Variants in ZFHX3 observed in about 807,000 individuals in gnomAD.
The protein encoded by ZFHX3 is zinc finger homeobox 3.
In ZFHX3, 42 loss-of-function variants were observed where a neutral mutation model predicts 279.1. That is an observed-to-expected ratio of 0.15 (90% CI 0.12 to 0.19). The LOEUF (loss-of-function observed/expected upper bound fraction) is 0.19. Among genes scored for constraint, ZFHX3 ranks in the 10% least tolerant of loss-of-function variants. The pLI, the probability that ZFHX3 is intolerant of heterozygous loss-of-function variation, is 1.00. For missense variants in ZFHX3, 4,981 were observed against 4,754.0 expected (o/e 1.05, Z -1.40); for synonymous variants, 2,293 against 1,957.8 (o/e 1.17, Z -4.52).
intron 7 of ZFHX3, among the ~76,000 whole-genome samples, chr16:73,099,497 G>A (rs752482238): frequency 6.6e-5 from 10 of 151,980 alleles, no homozygotes; most frequent in Non-Finnish European, 1.2e-4. Context: ...GATTACCTGT[G>A]GTCAGGAGTT....
At chr16:73,137,901 G>C (rs115465208) in intron 6 of ZFHX3, among the ~76,000 whole-genome samples, 2,866 of 152,180 alleles carry the variant, frequency 0.019, 76 homozygotes, top group African/African-American at 0.064. Context: ...GGGGTATTGG[G>C]GGGTGGGGGA....
chr16:73,859,976 A>T (rs1256791109), intron 1 of ZFHX3, among the ~76,000 whole-genome samples: 2 of 152,188 alleles, frequency 1.3e-5, no homozygotes, highest in Admixed American at 1.3e-4. Context: ...CTAATTTAAA[A>T]AATAAAATGC....
chr16:73,009,501 G>A (rs1015067091), intron 1 of ZFHX3, among the ~76,000 whole-genome samples: 1 of 152,006 alleles, frequency 6.6e-6, no homozygotes, highest in African/African-American at 2.4e-5. Flanking sequence ...CCATATGGAT[G>A]AAAAATGAGT....
intron 1 of ZFHX3, among the ~76,000 whole-genome samples, chr16:73,814,973 A>AT (rs1490932803): frequency 6.6e-6 from 1 of 152,134 alleles, no homozygotes; most frequent in African/African-American, 2.4e-5. Context: ...CTCTCAAGAG[A>AT]TTTTTTTAAT....
intron 2 of ZFHX3, among the ~76,000 whole-genome samples, 193 bp downstream of exon 2, chr16:72,957,234 T>C (rs1034458165): frequency 3.3e-5 from 5 of 152,212 alleles, no homozygotes; most frequent in Non-Finnish European, 5.9e-5. Flanking sequence ...TTTGAATGCA[T>C]AAACTCTTCC....
intron 5 of ZFHX3, among the ~76,000 whole-genome samples, chr16:72,826,388 A>G (rs2036929497): frequency 6.6e-6 from 1 of 152,214 alleles, no homozygotes; most frequent in Non-Finnish European, 1.5e-5. Context: ...ACTAATCAAC[A>G]TAACAGATTG....
intron 5 of ZFHX3, among the ~76,000 whole-genome samples, chr16:73,160,229 T>G (rs1967196772): frequency 6.6e-6 from 1 of 152,218 alleles, no homozygotes; most frequent in African/African-American, 2.4e-5. Context: ...TCTGGACACA[T>G]GTACCCTTCT....
At chr16:73,875,533 T>G (rs1265799797) in intron 1 of ZFHX3, among the ~76,000 whole-genome samples, 4 of 152,170 alleles carry the variant, frequency 2.6e-5, no homozygotes. Context: ...TGAGGTAAAT[T>G]TATTTACCAG....
chr16:73,094,871 G>A (rs912701405), intron 7 of ZFHX3, among the ~76,000 whole-genome samples: 14 of 151,970 alleles, frequency 9.2e-5, no homozygotes, highest in Admixed American at 2.6e-4. Flanking sequence ...CGTCATGTCC[G>A]GCTAATTTTT....
intron 6 of ZFHX3, chr16:73,143,708 T>G: frequency 2.3e-6 from 3 of 1,277,322 alleles, no homozygotes; most frequent in Non-Finnish European, 3.1e-6. Flanking sequence ...ACTCACCTGG[T>G]ATAACATTTT....
At chr16:73,039,158 A>G (rs372229568) in intron 1 of ZFHX3, among the ~76,000 whole-genome samples, 16 of 150,500 alleles carry the variant, frequency 1.1e-4, no homozygotes, top group African/African-American at 3.7e-4. Flanking sequence ...GGGTCTCCCT[A>G]TGTTGCCCAG....
At chr16:73,075,711 G>A (rs1161009121) in intron 8 of ZFHX3, among the ~76,000 whole-genome samples, 4 of 151,334 alleles carry the variant, frequency 2.6e-5, no homozygotes, top group Non-Finnish European at 4.4e-5. Flanking sequence ...TCAGCTCACT[G>A]CAACCTCCGC....
At chr16:73,515,712 C>T (rs891471036) in intron 2 of ZFHX3, among the ~76,000 whole-genome samples, 1 of 152,142 alleles carries the variant, frequency 6.6e-6, no homozygotes, top group Non-Finnish European at 1.5e-5. Context: ...TGATTTATGG[C>T]TAGAGGGAAT....
At chr16:72,896,464 C>G (rs990162869) in intron 3 of ZFHX3, among the ~76,000 whole-genome samples, 1 of 152,080 alleles carries the variant, frequency 6.6e-6, no homozygotes. Flanking sequence ...GGGGCTGGCG[C>G]GTAACACCAA....
chr16:72,997,165 T>C (rs1323617204), intron 1 of ZFHX3, among the ~76,000 whole-genome samples: 1 of 152,100 alleles, frequency 6.6e-6, no homozygotes, highest in Admixed American at 6.5e-5. Context: ...CACAAACAGG[T>C]TCTGTGGGAA....
At chr16:73,839,936 T>G (rs1040442470) in intron 1 of ZFHX3, among the ~76,000 whole-genome samples, 1 of 152,210 alleles carries the variant, frequency 6.6e-6, no homozygotes, top group Non-Finnish European at 1.5e-5. Context: ...TTCCCCTGTG[T>G]CTTCTCTTCT....
intron 4 of ZFHX3, among the ~76,000 whole-genome samples, chr16:72,853,732 G>A (rs2037676032): frequency 6.6e-6 from 1 of 152,154 alleles, no homozygotes; most frequent in African/African-American, 2.4e-5. Flanking sequence ...CAGGAGGGCG[G>A]GGAAGGAAGA....
At chr16:72,899,628 C>A (rs145380165) in intron 3 of ZFHX3, among the ~76,000 whole-genome samples, 18 of 152,272 alleles carry the variant, frequency 1.2e-4, no homozygotes, top group African/African-American at 4.3e-4. Flanking sequence ...TTGTGGGGCA[C>A]TCTAGATTAA....
At chr16:72,862,652 G>C (rs754372929) in intron 4 of ZFHX3, among the ~76,000 whole-genome samples, 1 of 152,124 alleles carries the variant, frequency 6.6e-6, no homozygotes, top group Non-Finnish European at 1.5e-5. Flanking sequence ...TGGAGAAAAA[G>C]TAAAACTGCT....
Sources: allele counts gnomAD v4.1 joint callset (sites outside exome capture counted in the v4.1 genomes callset), GRCh38; gene constraint gnomAD v4.1.1; transcripts MANE v1.5; gene names NCBI Gene and HGNC (gene_info 2026-07-23, HGNC 2026-07-21).